Variants in ARID2 observed in about 807,000 individuals in gnomAD.
The protein encoded by ARID2 is AT-rich interactive domain-containing protein 2.
A neutral mutation model predicts 184.6 loss-of-function variants in ARID2; 32 were observed. The observed-to-expected ratio is 0.17, with a 90% CI of 0.13 to 0.23. The LOEUF (loss-of-function observed/expected upper bound fraction) is 0.23. Ranked by LOEUF, ARID2 falls within the 10% of genes least tolerant of loss-of-function variation. The probability of loss-of-function intolerance (pLI) is 1.00; values close to 1 mark genes in which losing one functional copy is unlikely to be tolerated. For synonymous variants in ARID2, 836 were observed against 772.6 expected (o/e 1.08, Z -1.36); for missense variants, 1,696 against 2,197.6 (o/e 0.77, Z 4.56).
chr12:45,829,118 C>T (rs1943060590), intron 6 of ARID2, among the ~76,000 whole-genome samples: 1 of 151,952 alleles, frequency 6.6e-6, no homozygotes, highest in African/African-American at 2.4e-5. Context: ...TTTTTTCCCT[C>T]ATATGGATAC....
At chr12:45,741,178 C>G (rs901440167) in intron 3 of ARID2, among the ~76,000 whole-genome samples, 2 of 152,016 alleles carry the variant, frequency 1.3e-5, no homozygotes, top group Non-Finnish European at 2.9e-5. Flanking sequence ...TTTTCTAACT[C>G]TTATCATTTC....
At position 45,907,418 on chromosome 12, in the gene ARID2, C is replaced by T. The variant is rs912517330; in HGVS notation, c.*2340C>T. 4.3e-6 allele frequency: 1 copy of T among 233,288 alleles called. No individual in the cohort carries two copies. Among genetic ancestry groups the T allele is most frequent in the East Asian group, 6.1e-5 (1 of 16,508 alleles). The allele number at this position is 233,288 out of a possible 1,614,324, so 14.5% of individuals were successfully genotyped here. A position where few individuals can be genotyped will look rare whatever the true frequency, so the allele number is the denominator to read the frequency against. On this transcript the variant is annotated 3_prime_UTR_variant, in exon 21 of 21. Coordinates refer to ENST00000334344, the MANE Select transcript of ARID2 (RefSeq NM_152641.4). ...TTTCATATTCACCATTCTTCCACCTCATTGAATTGCATGCTGTAGTTCTAG... is the reference window on the plus strand; with the variant it reads ...TTTCATATTCACCATTCTTCCACCTTATTGAATTGCATGCTGTAGTTCTAG...
At chr12:45,873,121 A>G (rs1206311638) in intron 16 of ARID2, among the ~76,000 whole-genome samples, 1 of 152,216 alleles carries the variant, frequency 6.6e-6, no homozygotes, top group Admixed American at 6.5e-5. Flanking sequence ...CTTTATCATT[A>G]TGTAATGCCC....
intron 2 of ARID2, 33 bp from the exon 3 acceptor site, chr12:45,731,184 C>A: frequency 6.8e-7 from 1 of 1,462,504 alleles, no homozygotes; most frequent in Non-Finnish European, 9.6e-7. Context: ...TTAGATTGTT[C>A]ACGTTCAGAC....
intron 16 of ARID2, chr12:45,874,179 G>A (rs1313738922): frequency 6.5e-6 from 1 of 152,734 alleles, no homozygotes; most frequent in African/African-American, 2.4e-5. Context: ...TGACTTCCTG[G>A]GAGTAGGGAC....
chr12:45,745,912 A>G (rs759766159), intron 3 of ARID2, among the ~76,000 whole-genome samples: 5 of 152,134 alleles, frequency 3.3e-5, no homozygotes, highest in Non-Finnish European at 7.4e-5. Context: ...TTTTACTGCA[A>G]ATATTCTTTA....
chr12:45,811,574 A>G (rs1942709569), intron 4 of ARID2, 23 bp downstream of exon 4: 1 of 1,607,978 alleles, frequency 6.2e-7, no homozygotes. Context: ...GCAAATTAAC[A>G]GGATATATGT....
chr12:45,852,217 A>G lies in ARID2; in HGVS notation c.4094A>G (p.Asp1365Gly), dbSNP rs769337847. ...KPLVNGICDFDKGDGSHLSKN... is the reference protein window; with the variant it reads ...KPLVNGICDFGKGDGSHLSKN... ...CTAGTTAATGGAATCTGTGATTTTG[A>G]TAAAGGAGATGGTTCTCATTTAAGC... The change falls in exon 15 of 21, where the codon GAT becomes GGT. Residue 1365 changes from aspartate to glycine, a missense_variant. Physicochemically the swap from Asp to Gly is moderately conservative, Grantham distance 94. Transcript: ENST00000334344. The G allele has an allele frequency of 6.2e-7, 1 of 1,614,140 alleles. No individual in the cohort carries two copies. Among genetic ancestry groups the G allele is most frequent in the South Asian group, 1.1e-5 (1 of 91,086 alleles).
At chr12:45,804,490 G>C (rs1427698053) in intron 3 of ARID2, among the ~76,000 whole-genome samples, 1 of 147,018 alleles carries the variant, frequency 6.8e-6, no homozygotes, top group Non-Finnish European at 1.5e-5. Context: ...GTGTGTGTGC[G>C]TGTGTGTGTG....
chr12:45,769,683 C>G (rs556410308), intron 3 of ARID2, among the ~76,000 whole-genome samples: 24 of 152,278 alleles, frequency 1.6e-4, no homozygotes, highest in African/African-American at 5.3e-4. Flanking sequence ...AAACATTAAT[C>G]TATATGTCTT....
chr12:45,826,944 A>G (rs909007565), intron 6 of ARID2, among the ~76,000 whole-genome samples: 2 of 151,930 alleles, frequency 1.3e-5, no homozygotes, highest in African/African-American at 4.8e-5. Context: ...TTTTCTTCTC[A>G]TCCTTAATGT....
intron 3 of ARID2, among the ~76,000 whole-genome samples, chr12:45,739,056 C>T (rs915113093): frequency 1.8e-4 from 27 of 151,954 alleles, no homozygotes; most frequent in African/African-American, 6.5e-4. Flanking sequence ...GCAGCCTCCA[C>T]CTCTTGGGTT....
At chr12:45,806,784 C>G (rs1942611442) in intron 3 of ARID2, among the ~76,000 whole-genome samples, 1 of 152,074 alleles carries the variant, frequency 6.6e-6, no homozygotes, top group Non-Finnish European at 1.5e-5. Context: ...GTGTAGGTCC[C>G]TGTCACCGGA....
At chr12:45,891,240 G>GC (rs1234904540) in intron 16 of ARID2, among the ~76,000 whole-genome samples, 2 of 151,160 alleles carry the variant, frequency 1.3e-5, no homozygotes, top group Non-Finnish European at 2.9e-5. Flanking sequence ...TACATTCTTT[G>GC]CTGTCTAGAT....
intron 3 of ARID2, among the ~76,000 whole-genome samples, chr12:45,771,264 A>G (rs1941870172): frequency 6.6e-6 from 1 of 151,668 alleles, no homozygotes; most frequent in Non-Finnish European, 1.5e-5. Flanking sequence ...AGGCTGAGGC[A>G]GGAGAATCGC....
chr12:45,731,727 A>C (rs1941005348), intron 3 of ARID2, among the ~76,000 whole-genome samples: 1 of 151,922 alleles, frequency 6.6e-6, no homozygotes, highest in Non-Finnish European at 1.5e-5. Flanking sequence ...TTCTGGCTTT[A>C]AGAATTTTTT....
chr12:45,905,946 T>C lies in ARID2; in HGVS notation c.*868T>C, dbSNP rs1944522978. On this transcript the variant is annotated 3_prime_UTR_variant, in exon 21 of 21. Coordinates refer to ENST00000334344, the MANE Select transcript of ARID2 (RefSeq NM_152641.4). ...TGATTTTTTTTTCTTTTTTCTTTTTTTTTTTCTTTTTTTTTTTGTATTATA... is the reference window on the plus strand; with the variant it reads ...TGATTTTTTTTTCTTTTTTCTTTTTCTTTTTCTTTTTTTTTTTGTATTATA... 1 of 228,382 alleles carries C rather than the reference T, an allele frequency of 4.4e-6. No homozygotes were observed. Among genetic ancestry groups the C allele is most frequent in the Non-Finnish European group, 8.6e-6 (1 of 116,814 alleles). 14.1% of individuals were successfully genotyped at this position (228,382 alleles called of 1,614,324 possible).
chr12:45,783,287 C>G (rs1213208869), intron 3 of ARID2, among the ~76,000 whole-genome samples: 1 of 152,066 alleles, frequency 6.6e-6, no homozygotes, highest in Non-Finnish European at 1.5e-5. Context: ...CTATCAATAA[C>G]TAAATATGAA....
At chr12:45,899,657 A>ATATGGT (rs1944423287) in intron 20 of ARID2, among the ~76,000 whole-genome samples, 1 of 97,490 alleles carries the variant, frequency 1.0e-5, no homozygotes, top group Non-Finnish European at 2.1e-5. Flanking sequence ...ATTTGGTTAT[A>ATATGGT]TATATATATA....
Sources: allele counts gnomAD v4.1 joint callset (sites outside exome capture counted in the v4.1 genomes callset), GRCh38; gene constraint gnomAD v4.1.1; transcripts MANE v1.5; gene names NCBI Gene and HGNC (gene_info 2026-07-23, HGNC 2026-07-21).